The following INPP4B variants were observed in gnomAD, a reference collection of about 807,000 sequenced individuals.
INPP4B encodes inositol polyphosphate 4-phosphatase type II.
In INPP4B, 55 loss-of-function variants were observed where a neutral mutation model predicts 122.5. The observed-to-expected ratio is 0.45, with a 90% CI of 0.36 to 0.56. INPP4B has a LOEUF of 0.56. Among genes scored for constraint, INPP4B ranks in the 20% least tolerant of loss-of-function variants. The probability of loss-of-function intolerance (pLI) is 0.00; values close to 1 mark genes in which losing one functional copy is unlikely to be tolerated. For missense variants in INPP4B, 1,000 were observed against 1,097.7 expected (o/e 0.91, Z 1.26); for synonymous variants, 403 against 388.7 (o/e 1.04, Z -0.43).
At position 142,208,966 on chromosome 4, in the gene INPP4B, A is replaced by AT; in HGVS notation, c.896dup (p.Asn299LysfsTer7). The AT allele has an allele frequency of 6.2e-7, 1 of 1,606,346 alleles. No homozygotes were observed. Among genetic ancestry groups the AT allele is most frequent in the Non-Finnish European group, 8.5e-7 (1 of 1,175,000 alleles). ...CCATTTGATCACAGTGAGTAAGGAC[A>AT]TTTTTTCGCAGATTGTCCCAATGTG... On this transcript the variant is annotated frameshift_variant, in exon 13 of 26. Transcript: ENST00000262992. LOFTEE classifies it high-confidence loss of function.
intron 2 of INPP4B, among the ~76,000 whole-genome samples, chr4:142,719,225 A>C (rs1018679804): frequency 1.3e-5 from 2 of 152,222 alleles, no homozygotes; most frequent in Admixed American, 6.5e-5. Context: ...ATTAGATTGA[A>C]TCCTCCTGCT....
At chr4:142,423,916 C>T in intron 5 of INPP4B, 4 of 347,302 alleles carry the variant, frequency 1.2e-5, no homozygotes, top group South Asian at 9.0e-5. Flanking sequence ...GAGGAGAATA[C>T]TGTTTTCATT....
intron 2 of INPP4B, among the ~76,000 whole-genome samples, chr4:142,667,463 AT>A (rs1325761751): frequency 6.6e-6 from 1 of 152,212 alleles, no homozygotes; most frequent in African/African-American, 2.4e-5. Flanking sequence ...CAACCTGGAC[AT>A]TAGAGATGTT....
At chr4:142,149,304 G>C (rs1812508118) in intron 17 of INPP4B, among the ~76,000 whole-genome samples, 3 of 152,178 alleles carry the variant, frequency 2.0e-5, no homozygotes, top group Admixed American at 1.3e-4. Context: ...TTAAAGGCTG[G>C]TGTTTATATT....
intron 5 of INPP4B, among the ~76,000 whole-genome samples, chr4:142,420,187 C>T (rs1806572527): frequency 6.6e-6 from 1 of 151,856 alleles, no homozygotes; most frequent in African/African-American, 2.4e-5. Context: ...CAATTTAAGC[C>T]TGTGAAGTTA....
At chr4:142,558,640 T>C (rs1023638971) in intron 2 of INPP4B, among the ~76,000 whole-genome samples, 17 of 137,112 alleles carry the variant, frequency 1.2e-4, no homozygotes, top group African/African-American at 4.7e-4. Context: ...CTTCTTGGTA[T>C]AATTCAGTGG....
chr4:142,225,233 A>C (rs1353949995), intron 12 of INPP4B, among the ~76,000 whole-genome samples: 1 of 152,086 alleles, frequency 6.6e-6, no homozygotes, highest in Non-Finnish European at 1.5e-5. Flanking sequence ...CGAACATCAG[A>C]CTTCAATTTC....
chr4:142,495,677 C>T (rs562758351), intron 2 of INPP4B, among the ~76,000 whole-genome samples: 33 of 152,168 alleles, frequency 2.2e-4, no homozygotes, highest in Middle Eastern at 6.8e-3. Flanking sequence ...CCGATTTTAC[C>T]ACCAGGATTT....
At chr4:142,200,958 T>C (rs2149444479) in intron 14 of INPP4B, among the ~76,000 whole-genome samples, 1 of 152,150 alleles carries the variant, frequency 6.6e-6, no homozygotes, top group Non-Finnish European at 1.5e-5. Flanking sequence ...GTCTAGATAC[T>C]TATAAAGCAA....
At chr4:142,255,348 A>G (rs979007872) in intron 11 of INPP4B, among the ~76,000 whole-genome samples, 7 of 152,190 alleles carry the variant, frequency 4.6e-5, no homozygotes, top group African/African-American at 1.7e-4. Context: ...AAATTCACAC[A>G]TAACAATATT....
intron 2 of INPP4B, among the ~76,000 whole-genome samples, chr4:142,596,377 G>T (rs1663107745): frequency 6.6e-6 from 1 of 152,050 alleles, no homozygotes; most frequent in Non-Finnish European, 1.5e-5. Context: ...TTAAAATGCT[G>T]CCCTGAGACC....
intron 5 of INPP4B, among the ~76,000 whole-genome samples, chr4:142,417,843 C>T (rs1004193580): frequency 1.3e-5 from 2 of 152,132 alleles, no homozygotes; most frequent in Admixed American, 1.3e-4. Flanking sequence ...ACTTCCCTCA[C>T]GGGCACATGT....
chr4:142,833,727 C>G (rs891981479), intron 1 of INPP4B, among the ~76,000 whole-genome samples: 1 of 151,936 alleles, frequency 6.6e-6, no homozygotes, highest in East Asian at 1.9e-4. Context: ...AGCACCAGGT[C>G]TTTTTAATAA....
intron 21 of INPP4B, among the ~76,000 whole-genome samples, chr4:142,114,144 T>A (rs1318097746): frequency 6.6e-6 from 1 of 152,110 alleles, no homozygotes; most frequent in Non-Finnish European, 1.5e-5. Context: ...TATCAGTAGC[T>A]TGTTCCTTTT....
intron 1 of INPP4B, among the ~76,000 whole-genome samples, chr4:142,785,471 A>G (rs1775624169): frequency 6.6e-6 from 1 of 152,018 alleles, no homozygotes; most frequent in Non-Finnish European, 1.5e-5. Context: ...ATGTAAGCAG[A>G]AAGATGAACA....
intron 2 of INPP4B, among the ~76,000 whole-genome samples, chr4:142,573,297 G>T (rs1217455588): frequency 6.6e-6 from 1 of 152,080 alleles, no homozygotes; most frequent in African/African-American, 2.4e-5. Context: ...TGGGGACACA[G>T]AGCCAAGCCA....
intron 2 of INPP4B, among the ~76,000 whole-genome samples, chr4:142,643,109 C>A (rs765647376): frequency 2.0e-5 from 3 of 152,102 alleles, no homozygotes; most frequent in Non-Finnish European, 4.4e-5. Flanking sequence ...GATTTTTGCA[C>A]GTTGATTTTG....
At chr4:142,785,187 T>C (rs371062229) in intron 1 of INPP4B, among the ~76,000 whole-genome samples, 3 of 152,092 alleles carry the variant, frequency 2.0e-5, no homozygotes, top group East Asian at 1.9e-4. Flanking sequence ...CCTATAGCTA[T>C]AGCAAACTTT....
chr4:142,461,205 T>A (rs1816665295), intron 3 of INPP4B, among the ~76,000 whole-genome samples: 1 of 152,124 alleles, frequency 6.6e-6, no homozygotes, highest in African/African-American at 2.4e-5. Flanking sequence ...AGCTATTTCT[T>A]AGAGATCAAA....
Sources: allele counts gnomAD v4.1 joint callset (sites outside exome capture counted in the v4.1 genomes callset), GRCh38; gene constraint gnomAD v4.1.1; transcripts MANE v1.5; gene names NCBI Gene and HGNC (gene_info 2026-07-23, HGNC 2026-07-21).